MAPK10: variants seen among roughly 807,000 people sequenced by gnomAD.
The protein encoded by MAPK10 is JNK3 alpha protein kinase.
A neutral mutation model predicts 59.3 loss-of-function variants in MAPK10; 25 were observed. The observed-to-expected ratio is 0.42, with a 90% CI of 0.31 to 0.59. The LOEUF is 0.59. MAPK10 is among the 20% of genes least tolerant of loss of function. The pLI, the probability that MAPK10 is intolerant of heterozygous loss-of-function variation, is 0.15. For missense variants in MAPK10, 351 were observed against 568.9 expected (o/e 0.62, Z 3.90); for synonymous variants, 190 against 200.5 (o/e 0.95, Z 0.44).
chr4:86,546,171 C>G (rs1345658496), intron 1 of MAPK10, among the ~76,000 whole-genome samples: 1 of 151,842 alleles, frequency 6.6e-6, no homozygotes, highest in Admixed American at 6.6e-5. Context: ...TGCAGTAAGC[C>G]GAGATGGCGC....
intron 3 of MAPK10, among the ~76,000 whole-genome samples, chr4:86,163,228 T>C (rs2070437950): frequency 6.6e-6 from 1 of 152,116 alleles, no homozygotes; most frequent in Non-Finnish European, 1.5e-5. Context: ...GCAAATATGA[T>C]GTGTTAAAGA....
chr4:86,561,987 T>C (rs558262365), intron 1 of MAPK10, among the ~76,000 whole-genome samples: 1 of 152,334 alleles, frequency 6.6e-6, no homozygotes, highest in African/African-American at 2.4e-5. Context: ...CTGGTAAATA[T>C]CCCCACTCGA....
In MAPK10 at chr4:86,011,854, C is replaced by A. The variant is rs1161279957; in HGVS notation, c.*5374G>T. On this transcript the variant is annotated 3_prime_UTR_variant, in exon 14 of 14. Transcript: ENST00000641462. Reference sequence around the variant, plus strand: ...AATTGGTTAAATAAAACATTATTTACAGAAATAGAAGAGCCACTCCTCAAC... The same window carrying A: ...AATTGGTTAAATAAAACATTATTTAAAGAAATAGAAGAGCCACTCCTCAAC... 1 of 152,108 alleles carries A rather than the reference C, an allele frequency of 6.6e-6. No individual in the cohort carries two copies. The highest frequency in any genetic ancestry group is 1.5e-5 in the Non-Finnish European group (1 of 68,012). 9.4% of individuals were successfully genotyped at this position (152,108 alleles called of 1,614,324 possible). A position where few individuals can be genotyped will look rare whatever the true frequency, so the allele number is the denominator to read the frequency against.
chr4:86,241,237 T>C (rs991331024), intron 2 of MAPK10, among the ~76,000 whole-genome samples: 2 of 152,150 alleles, frequency 1.3e-5, no homozygotes, highest in African/African-American at 4.8e-5. Flanking sequence ...CTTTGTAGGT[T>C]ACCTGACCTT....
intron 2 of MAPK10, among the ~76,000 whole-genome samples, chr4:86,272,623 T>G (rs755684557): frequency 2.6e-5 from 4 of 152,032 alleles, no homozygotes; most frequent in Non-Finnish European, 5.9e-5. Flanking sequence ...TCATTTACAC[T>G]TTGCCAGCCT....
chr4:86,428,845 G>C (rs968699319), intron 1 of MAPK10, among the ~76,000 whole-genome samples: 5 of 152,122 alleles, frequency 3.3e-5, no homozygotes, highest in Non-Finnish European at 5.9e-5. Flanking sequence ...TAAATGATAA[G>C]GAAATAGCTG....
At chr4:86,342,061 T>C (rs2148940789) in intron 2 of MAPK10, among the ~76,000 whole-genome samples, 1 of 152,266 alleles carries the variant, frequency 6.6e-6, no homozygotes, top group Non-Finnish European at 1.5e-5. Context: ...TATACAGCCA[T>C]GGGTTAAACT....
intron 2 of MAPK10, among the ~76,000 whole-genome samples, chr4:86,275,244 A>C (rs891537344): frequency 2.6e-5 from 4 of 152,052 alleles, no homozygotes; most frequent in African/African-American, 9.7e-5. Flanking sequence ...CATTATCTCA[A>C]CATCTATTTA....
chr4:86,351,089 G>T (rs1472153015), intron 2 of MAPK10, among the ~76,000 whole-genome samples: 1 of 151,876 alleles, frequency 6.6e-6, no homozygotes, highest in African/African-American at 2.4e-5. Context: ...AAAAAGTGAA[G>T]ATTTGACCCA....
At chr4:86,532,040 C>CAT (rs956298026) in intron 1 of MAPK10, among the ~76,000 whole-genome samples, 8 of 147,702 alleles carry the variant, frequency 5.4e-5, no homozygotes, top group African/African-American at 1.7e-4. Context: ...TTTTTAATTA[C>CAT]ATATATATAT....
intron 2 of MAPK10, among the ~76,000 whole-genome samples, chr4:86,203,529 T>A: frequency 6.6e-6 from 1 of 151,452 alleles, no homozygotes; most frequent in African/African-American, 2.4e-5. Flanking sequence ...CATGAACTAC[T>A]AATTATTTAA....
At chr4:86,038,519 A>G (rs1030393119) in intron 11 of MAPK10, among the ~76,000 whole-genome samples, 2 of 151,886 alleles carry the variant, frequency 1.3e-5, no homozygotes, top group African/African-American at 2.4e-5. Flanking sequence ...TTTTGATTTT[A>G]TATTTCCTTG....
chr4:86,525,800 G>A (rs1044766710), intron 1 of MAPK10, among the ~76,000 whole-genome samples: 7 of 152,076 alleles, frequency 4.6e-5, no homozygotes, highest in African/African-American at 9.7e-5. Context: ...TAAGCAAAAC[G>A]TAAGACAATA....
intron 13 of MAPK10, among the ~76,000 whole-genome samples, chr4:86,023,241 C>G (rs1002783678): frequency 1.3e-5 from 2 of 152,172 alleles, no homozygotes; most frequent in African/African-American, 4.8e-5. Flanking sequence ...ATCAATTGAT[C>G]ATAAATGTAG....
intron 1 of MAPK10, among the ~76,000 whole-genome samples, chr4:86,523,205 AC>A (rs974697214): frequency 3.3e-5 from 5 of 151,790 alleles, no homozygotes; most frequent in Non-Finnish European, 5.9e-5. Flanking sequence ...TCTTTCATTC[AC>A]TTTTTTTCAA....
At chr4:86,490,944 G>A (rs866956691) in intron 1 of MAPK10, among the ~76,000 whole-genome samples, 7 of 152,142 alleles carry the variant, frequency 4.6e-5, no homozygotes, top group Non-Finnish European at 1.0e-4. Flanking sequence ...AGGTACTGGG[G>A]AAAAAAGGAT....
At chr4:86,373,115 A>G (rs1279960524) in intron 1 of MAPK10, among the ~76,000 whole-genome samples, 4 of 152,230 alleles carry the variant, frequency 2.6e-5, no homozygotes, top group East Asian at 1.9e-4. Flanking sequence ...CACATTTACA[A>G]TCATCTGAGT....
rs112426500 is a variant in MAPK10, at chr4:86,465,851, G to A, written c.-262-111207C>T. ...CCAGCTGTCACGAGCAGCACCTGTC[G>A]AACACAGCCACCTACCTGGGGACAG... On this transcript the variant is annotated intron_variant, in intron 1 of 4. Transcript: ENST00000502302. Among the ~76,000 whole-genome samples the A allele has an allele frequency of 7.7e-3, 1,173 of 152,218 alleles. 22 individuals carry two copies. Among genetic ancestry groups the A allele is most frequent in the African/African-American group, 0.026 (1,080 of 41,514 alleles).
rs1024404042 is a variant in MAPK10 at position 86,446,685 on chromosome 4, A to G, written c.-122+6345T>C. The stretch of plus-strand genomic sequence containing the variant: ...GGTTGCGCCAACTTGCACTCCCACC[A>G]GCAGTTCTTGATATGATATTTGCTA... On this transcript the variant is annotated intron_variant, in intron 1 of 13. Coordinates refer to the MAPK10 transcript ENST00000361569. Among the ~76,000 whole-genome samples, 5 of 152,274 alleles carry G rather than the reference A, an allele frequency of 3.3e-5. No individual in the cohort carries two copies. The South Asian group carries it at 1.0e-3, about 32-fold the overall frequency.
Sources: gnomAD v4.1 joint callset for allele counts (sites outside exome capture counted in the v4.1 genomes callset) on GRCh38, gnomAD v4.1.1 for gene constraint, MANE v1.5 for transcripts, NCBI Gene and HGNC (gene_info 2026-07-23, HGNC 2026-07-21) for gene names.